Variants in ASAP2 observed in about 807,000 individuals in gnomAD.
The protein encoded by ASAP2 is arf-GAP with SH3 domain, ANK repeat and PH domain-containing protein 2.
In ASAP2, 45 loss-of-function variants were observed where a neutral mutation model predicts 131.4. That is an observed-to-expected ratio of 0.34 (90% CI 0.27 to 0.44). The LOEUF (loss-of-function observed/expected upper bound fraction) is 0.44. Ranked by LOEUF, ASAP2 falls within the 20% of genes least tolerant of loss-of-function variation. ASAP2 has a pLI of 1.00. For missense variants in ASAP2, 1,011 were observed against 1,297.0 expected, an observed-to-expected ratio of 0.78 and a Z score of 3.39; for synonymous variants, 510 against 503.0, an observed-to-expected ratio of 1.01 and a Z score of -0.19.
Position 9,217,554 on chromosome 2 carries a change from C to T in ASAP2, c.126+10324C>T, listed in dbSNP as rs952970129. ...ATTCTAGCCAGGCAGTCAGGATTGT[C>T]GGGACCTCTTTCCCCAGCTTCTCAG... On this transcript the variant is annotated intron_variant, in intron 1 of 27. Transcript: ENST00000281419. This position sits in a 1 kb window ranked among gnomAD's most constrained non-coding sequence, Gnocchi z 4.0. Among the ~76,000 whole-genome samples, 2 of 152,018 alleles carry T rather than the reference C, an allele frequency of 1.3e-5. No individual in the cohort carries two copies. Among genetic ancestry groups the T allele is most frequent in the Admixed American group, 6.6e-5 (1 of 15,254 alleles).
chr2:9,329,810 T>C (rs1170159119), intron 7 of ASAP2, among the ~76,000 whole-genome samples: 1 of 152,232 alleles, frequency 6.6e-6, no homozygotes, highest in Non-Finnish European at 1.5e-5. Flanking sequence ...ATTGTTTCTT[T>C]TCCTAGAAGG....
chr2:9,330,901 T>C (rs1338623042), intron 7 of ASAP2, among the ~76,000 whole-genome samples: 1 of 152,184 alleles, frequency 6.6e-6, no homozygotes, highest in Non-Finnish European at 1.5e-5. Flanking sequence ...CATTACTTCG[T>C]TTTTGGATAT....
chr2:9,253,993 G>A (rs533352351), intron 1 of ASAP2, among the ~76,000 whole-genome samples: 10 of 151,604 alleles, frequency 6.6e-5, no homozygotes, highest in Non-Finnish European at 1.3e-4. Context: ...GGATCACAAG[G>A]TTGGGAGTTC....
At chr2:9,259,146 G>A (rs924237435) in intron 1 of ASAP2, among the ~76,000 whole-genome samples, 2 of 152,134 alleles carry the variant, frequency 1.3e-5, no homozygotes, top group South Asian at 2.1e-4. Flanking sequence ...CCTTCCCCTC[G>A]CTTCCTCTCT....
At chr2:9,390,208 A>G (rs1469806213) in intron 22 of ASAP2, among the ~76,000 whole-genome samples, 1 of 151,896 alleles carries the variant, frequency 6.6e-6, no homozygotes, top group African/African-American at 2.4e-5. Context: ...CATCTCCACC[A>G]TTCTCTGTGT....
At chr2:9,356,438 C>G in intron 14 of ASAP2, 93 bp downstream of exon 14, 2 of 1,379,698 alleles carry the variant, frequency 1.4e-6, no homozygotes, top group Non-Finnish European at 9.7e-7. Context: ...ACTTTCATTT[C>G]AAACACGAAA....
At chr2:9,402,875 G>C (rs1676859807) in intron 27 of ASAP2, among the ~76,000 whole-genome samples, 1 of 152,182 alleles carries the variant, frequency 6.6e-6, no homozygotes, top group African/African-American at 2.4e-5. Context: ...TGCCACTTTA[G>C]GTGACGTTGC....
At chr2:9,282,880 G>A (rs1667219930) in intron 2 of ASAP2, among the ~76,000 whole-genome samples, 1 of 152,122 alleles carries the variant, frequency 6.6e-6, no homozygotes, top group African/African-American at 2.4e-5. Flanking sequence ...GCAGGCTGCT[G>A]GCCTGTCACT....
chr2:9,370,382 G>A (rs116045222), intron 16 of ASAP2, among the ~76,000 whole-genome samples: 194 of 152,312 alleles, frequency 1.3e-3, no homozygotes, highest in Middle Eastern at 6.8e-3. Flanking sequence ...TTGTGGTGTC[G>A]CATTTCCTTG....
At chr2:9,266,358 G>C (rs527848388) in intron 1 of ASAP2, among the ~76,000 whole-genome samples, 3 of 152,160 alleles carry the variant, frequency 2.0e-5, no homozygotes, top group Admixed American at 2.0e-4. Flanking sequence ...TGTTGCCTAG[G>C]CCTGTCTGAA....
chr2:9,403,352 C>T lies in ASAP2; in HGVS notation c.*25C>T, dbSNP rs1676915240. 1 of 1,607,252 alleles carries T rather than the reference C, an allele frequency of 6.2e-7. No individual in the cohort carries two copies. The highest frequency in any genetic ancestry group is 8.5e-7 in the Non-Finnish European group (1 of 1,174,168). ...AATTGCTACTGAACAAAAGCATTAA[C>T]AGTTATGTTCCTGTTTCGTTATTGG... On this transcript the variant is annotated 3_prime_UTR_variant, in exon 28 of 28. Coordinates refer to ENST00000281419, the MANE Select transcript of ASAP2 (RefSeq NM_003887.3).
In ASAP2 at chr2:9,281,065, T is replaced by C. The variant is rs899051964; in HGVS notation, c.199+1676T>C. The stretch of plus-strand genomic sequence containing the variant: ...TCACACGGGTGACATCTTGAAGACT[T>C]CAGTGAGTCACTAAGAAATGGTACG... On this transcript the variant is annotated intron_variant, in intron 2 of 27. Transcript: ENST00000281419. The surrounding 1 kb of genome is among the most constrained non-coding windows in gnomAD (Gnocchi z 4.0). Among the ~76,000 whole-genome samples, 3 of 152,192 alleles carry C rather than the reference T, an allele frequency of 2.0e-5. No homozygotes were observed. Among genetic ancestry groups the C allele is most frequent in the African/African-American group, 7.2e-5 (3 of 41,448 alleles).
chr2:9,308,200 C>T (rs1295401067), intron 3 of ASAP2, among the ~76,000 whole-genome samples: 1 of 152,208 alleles, frequency 6.6e-6, no homozygotes, highest in Admixed American at 6.5e-5. Flanking sequence ...GGAAGCATGG[C>T]AGCATCTGCT....
intron 21 of ASAP2, among the ~76,000 whole-genome samples, chr2:9,387,020 C>T (rs910908538): frequency 2.0e-5 from 3 of 148,622 alleles, no homozygotes; most frequent in Non-Finnish European, 3.0e-5. Flanking sequence ...TTGGCTAACA[C>T]GGTGAAACCC....
intron 1 of ASAP2, chr2:9,271,282 C>T: frequency 1.3e-6 from 1 of 778,628 alleles, no homozygotes; most frequent in East Asian, 2.4e-5. Flanking sequence ...GAGCCACAAG[C>T]ATTTAAACCC....
chr2:9,337,593 C>T (rs974578958), intron 9 of ASAP2, among the ~76,000 whole-genome samples: 1 of 152,130 alleles, frequency 6.6e-6, no homozygotes, highest in African/African-American at 2.4e-5. Flanking sequence ...AAAGAAACTG[C>T]CTTGATGGTT....
chr2:9,293,880 G>A (rs963622610), intron 2 of ASAP2, among the ~76,000 whole-genome samples: 2 of 152,100 alleles, frequency 1.3e-5, no homozygotes, highest in African/African-American at 4.8e-5. Flanking sequence ...GTGGATGAAA[G>A]CACTGTAAAC....
At chr2:9,382,954 C>T (rs1674981914) in intron 20 of ASAP2, among the ~76,000 whole-genome samples, 1 of 152,180 alleles carries the variant, frequency 6.6e-6, no homozygotes, top group Non-Finnish European at 1.5e-5. Flanking sequence ...AATTATTACT[C>T]AACTGTGTCC....
At chr2:9,308,181 G>T (rs1669070517) in intron 3 of ASAP2, among the ~76,000 whole-genome samples, 1 of 152,206 alleles carries the variant, frequency 6.6e-6, no homozygotes, top group African/African-American at 2.4e-5. Flanking sequence ...CGGTTCCACA[G>T]GCTGTAGAGG....
Sources: allele counts gnomAD v4.1 joint callset (sites outside exome capture counted in the v4.1 genomes callset), GRCh38; gene constraint gnomAD v4.1.1; non-coding constraint Gnocchi (gnomAD v3.1); transcripts MANE v1.5; gene names NCBI Gene and HGNC (gene_info 2026-07-23, HGNC 2026-07-21).